The following CHLSN variants were observed in gnomAD, a reference collection of about 807,000 sequenced individuals.
The protein encoded by CHLSN is protein cholesin.
chr7:1,042,643 A>G, the CHLSN span, among the ~76,000 whole-genome samples: 1 of 152,200 alleles, frequency 6.6e-6, no homozygotes, highest in African/African-American at 2.4e-5. Context: ...GGCGGTCTGC[A>G]GTGACCTGAA....
chr7:1,071,814 G>A, the CHLSN span, among the ~76,000 whole-genome samples: 1 of 152,220 alleles, frequency 6.6e-6, no homozygotes, highest in East Asian at 1.9e-4. Flanking sequence ...ACATACAACA[G>A]GCAGCCTTGC....
the CHLSN span, among the ~76,000 whole-genome samples, chr7:1,103,802 C>A: frequency 6.6e-6 from 1 of 152,240 alleles, no homozygotes; most frequent in South Asian, 2.1e-4. Flanking sequence ...CCCCACTTCA[C>A]GGTGAGACAC....
At chr7:1,069,246 G>A in the CHLSN span, among the ~76,000 whole-genome samples, 5 of 152,120 alleles carry the variant, frequency 3.3e-5, no homozygotes, top group Non-Finnish European at 2.9e-5. Flanking sequence ...CAGGAGAATC[G>A]CTTGAACCTG....
chr7:1,014,014 G>A, the CHLSN span, among the ~76,000 whole-genome samples: 5 of 152,178 alleles, frequency 3.3e-5, no homozygotes, highest in Non-Finnish European at 5.9e-5. Flanking sequence ...ATGGGGAGGC[G>A]GCCAGCGGGC....
the CHLSN span, among the ~76,000 whole-genome samples, chr7:1,065,546 G>A: frequency 6.6e-6 from 1 of 152,202 alleles, no homozygotes; most frequent in Admixed American, 6.5e-5. Flanking sequence ...GCAGCTGCGG[G>A]GACACAGCTA....
chr7:998,456 T>TC, the CHLSN span, among the ~76,000 whole-genome samples: 1 of 143,142 alleles, frequency 7.0e-6, no homozygotes, highest in South Asian at 2.2e-4. Context: ...AGTCTTAGAT[T>TC]CTTTTTTTTT....
At chr7:1,112,604 G>C in the CHLSN span, among the ~76,000 whole-genome samples, 2 of 151,966 alleles carry the variant, frequency 1.3e-5, no homozygotes, top group Non-Finnish European at 2.9e-5. Context: ...CACATATCAC[G>C]AGCCTTGGAA....
chr7:1,136,151 T>A, the CHLSN span, among the ~76,000 whole-genome samples: 2 of 113,796 alleles, frequency 1.8e-5, no homozygotes, highest in African/African-American at 7.4e-5. Flanking sequence ...AATATATAAA[T>A]ATATATACAT....
the CHLSN span, among the ~76,000 whole-genome samples, chr7:1,078,731 G>A: frequency 6.6e-6 from 1 of 152,236 alleles, no homozygotes; most frequent in African/African-American, 2.4e-5. Flanking sequence ...AGAACTCATA[G>A]CCAGGCCATG....
At chr7:1,120,217 G>A in the CHLSN span, among the ~76,000 whole-genome samples, 8 of 152,338 alleles carry the variant, frequency 5.3e-5, no homozygotes, top group African/African-American at 1.9e-4. Context: ...ACTTACCAGA[G>A]CCGCCAAGAT....
the CHLSN span, among the ~76,000 whole-genome samples, chr7:991,897 G>A: frequency 2.0e-5 from 3 of 152,168 alleles, no homozygotes; most frequent in Non-Finnish European, 2.9e-5. Context: ...GTGGGTGTGA[G>A]GGCTCTGGGG....
At chr7:1,118,134 A>C in the CHLSN span, among the ~76,000 whole-genome samples, 70 of 152,312 alleles carry the variant, frequency 4.6e-4, no homozygotes, top group African/African-American at 1.6e-3. Flanking sequence ...ATATGAAAAC[A>C]CCAGGCTTCT....
the CHLSN span, among the ~76,000 whole-genome samples, chr7:1,123,475 G>A: frequency 2.0e-5 from 3 of 152,132 alleles, no homozygotes; most frequent in Non-Finnish European, 4.4e-5. The surrounding 1 kb of genome is among the most constrained non-coding windows in gnomAD (Gnocchi z 4.4). Context: ...TCCACTGGGG[G>A]AGGGGAGGGA....
At chr7:1,016,624 CACAGT>C in the CHLSN span, among the ~76,000 whole-genome samples, 1 of 133,844 alleles carries the variant, frequency 7.5e-6, no homozygotes. Context: ...CACGCCAGAG[CACAGT>C]AGCGCACGCC....
the CHLSN span, among the ~76,000 whole-genome samples, chr7:1,068,311 T>C: frequency 6.6e-6 from 1 of 152,208 alleles, no homozygotes; most frequent in South Asian, 2.1e-4. Context: ...GACCATGACC[T>C]TGGACAAACC....
chr7:1,086,022 G>A, the CHLSN span, among the ~76,000 whole-genome samples: 1 of 152,198 alleles, frequency 6.6e-6, no homozygotes, highest in South Asian at 2.1e-4. Context: ...AGTGCCCACA[G>A]GAGAAGGCTG....
At chr7:1,114,874 C>T in the CHLSN span, among the ~76,000 whole-genome samples, 69 of 152,362 alleles carry the variant, frequency 4.5e-4, no homozygotes, top group Non-Finnish European at 4.7e-4. Flanking sequence ...CTGCCCCGCA[C>T]AAAGCAGCTG....
the CHLSN span, chr7:988,704 A>G: frequency 5.6e-6 from 9 of 1,599,676 alleles, no homozygotes; most frequent in Non-Finnish European, 7.6e-6. Flanking sequence ...GGCCTCCTGC[A>G]GAGGTACCGC....
chr7:1,129,848 T>G, the CHLSN span, among the ~76,000 whole-genome samples: 70 of 152,362 alleles, frequency 4.6e-4, no homozygotes, highest in African/African-American at 1.6e-3. Flanking sequence ...CGTTTAAGAT[T>G]AAGAGAAATA....
Sources: gnomAD v4.1 joint callset for allele counts (sites outside exome capture counted in the v4.1 genomes callset) on GRCh38, gnomAD v4.1.1 for gene constraint, Gnocchi (gnomAD v3.1) non-coding constraint, MANE v1.5 for transcripts, NCBI Gene and HGNC (gene_info 2026-07-23, HGNC 2026-07-21) for gene names.